Variants in ANKRD31 observed in about 807,000 individuals in gnomAD.
The protein encoded by ANKRD31 is ankyrin repeat domain-containing protein 31.
ANKRD31 carries 147 observed loss-of-function variants against 186.0 expected under a neutral mutation model. That is an observed-to-expected ratio of 0.79 (90% confidence interval 0.69 to 0.91). ANKRD31 has a LOEUF of 0.91. ANKRD31 is among the 40% of genes least tolerant of loss of function. The pLI, the probability that ANKRD31 is intolerant of heterozygous loss-of-function variation, is 0.00. For synonymous variants in ANKRD31, 673 were observed against 736.4 expected (o/e 0.91, Z 1.39); for missense variants, 1,986 against 2,148.8 (o/e 0.92, Z 1.50).
chr5:75,157,994 T>G (rs1335630302), intron 11 of ANKRD31, among the ~76,000 whole-genome samples: 1 of 152,018 alleles, frequency 6.6e-6, no homozygotes, highest in Non-Finnish European at 1.5e-5. Flanking sequence ...GGCAGACTAC[T>G]CAGAAGCTTA....
chr5:75,148,902 T>C (rs1281888527), intron 12 of ANKRD31, among the ~76,000 whole-genome samples: 1 of 151,918 alleles, frequency 6.6e-6, no homozygotes, highest in Non-Finnish European at 1.5e-5. Flanking sequence ...TCAGTATTTA[T>C]TTTCCCCACA....
chr5:75,123,867 G>A (rs1364455572), intron 17 of ANKRD31, among the ~76,000 whole-genome samples: 1 of 151,976 alleles, frequency 6.6e-6, no homozygotes, highest in African/African-American at 2.4e-5. Flanking sequence ...CTTGACATTT[G>A]TCTAGGCAAA....
rs1747184928 is a variant in ANKRD31 at position 75,104,660 on chromosome 5, A to G, written c.4899T>C (p.Tyr1633=). 6.5e-7 allele frequency: 1 copy of G among 1,536,008 alleles called. No individual in the cohort carries two copies. The highest frequency in any genetic ancestry group is 1.2e-5 in the South Asian group (1 of 83,678). ...TEATDKDHEF[Y]VSSPVIGKLN... ...ATTTGCCGATTACTGGGGAAGAAAC[A>G]TAGAATTCATGGTCTTTGTCTGTAG... is the stretch of plus-strand genomic sequence containing the variant. Residue 1633 remains tyrosine (Y), a synonymous_variant, in exon 22 of 26, where the codon TAT becomes TAC. Transcript: ENST00000506364.
At chr5:75,124,654 A>G (rs1416708034) in intron 17 of ANKRD31, among the ~76,000 whole-genome samples, 1 of 152,146 alleles carries the variant, frequency 6.6e-6, no homozygotes, top group Admixed American at 6.6e-5. Context: ...GAATGGGATC[A>G]TGTCTTCTGC....
intron 17 of ANKRD31, among the ~76,000 whole-genome samples, chr5:75,135,587 C>T (rs1318164937): frequency 1.2e-4 from 19 of 152,250 alleles, no homozygotes; most frequent in Middle Eastern, 3.4e-3. Context: ...AATGGCCATA[C>T]TGCCCAAGGT....
chr5:75,213,251 A>G (rs939175968), intron 3 of ANKRD31, among the ~76,000 whole-genome samples: 2 of 152,222 alleles, frequency 1.3e-5, no homozygotes, highest in African/African-American at 2.4e-5. Flanking sequence ...GTCTCTGCAA[A>G]GTAATTTTTC....
At chr5:75,179,602 T>C (rs1754114487) in intron 10 of ANKRD31, among the ~76,000 whole-genome samples, 2 of 152,208 alleles carry the variant, frequency 1.3e-5, no homozygotes, top group African/African-American at 4.8e-5. Context: ...ATAAACGTAA[T>C]CCATCATATA....
chr5:75,230,475 C>T, intron 2 of ANKRD31, 87 bp downstream of exon 2: 3 of 1,016,202 alleles, frequency 3.0e-6, no homozygotes, highest in South Asian at 3.5e-5. Flanking sequence ...TGCTTAAAGT[C>T]TCAGTTTCCA....
chr5:75,193,029 A>T (rs1755219568), intron 8 of ANKRD31, among the ~76,000 whole-genome samples: 1 of 152,060 alleles, frequency 6.6e-6, no homozygotes, highest in Non-Finnish European at 1.5e-5. Context: ...GTCATCTACA[A>T]GTGTGAGTAT....
At chr5:75,224,912 T>C (rs1397371817) in intron 2 of ANKRD31, among the ~76,000 whole-genome samples, 8 of 152,154 alleles carry the variant, frequency 5.3e-5, no homozygotes, top group African/African-American at 7.2e-5. Context: ...ATCTTTAATA[T>C]AGAAAATGCT....
chr5:75,173,964 C>A (rs1753568587), intron 10 of ANKRD31, among the ~76,000 whole-genome samples: 1 of 152,112 alleles, frequency 6.6e-6, no homozygotes, highest in Non-Finnish European at 1.5e-5. Flanking sequence ...CATCATGCTA[C>A]CTGACTTCAA....
intron 23 of ANKRD31, among the ~76,000 whole-genome samples, chr5:75,089,132 A>G (rs899606835): frequency 3.9e-5 from 6 of 152,190 alleles, no homozygotes; most frequent in African/African-American, 1.2e-4. Flanking sequence ...ACCATTGCCC[A>G]GATAATATAA....
chr5:75,087,388 T>C (rs1017689540), intron 23 of ANKRD31, among the ~76,000 whole-genome samples: 1 of 151,998 alleles, frequency 6.6e-6, no homozygotes, highest in Non-Finnish European at 1.5e-5. Context: ...ATGCCTGTAG[T>C]CCCAGCTACT....
Position 75,193,375 on chromosome 5 carries a change from T to C in ANKRD31, c.1234A>G (p.Ile412Val). Residue 412 changes from isoleucine to valine, a missense_variant, in exon 8 of 26, where the codon ATT becomes GTT. Coordinates refer to ENST00000506364, the MANE Select transcript of ANKRD31 (RefSeq NM_001372053.1). ...TCACAGCCAAGGATTTTTGGTAAAA[T>C]CTTTTCTGGCATCTTATACATGTGA... ...SDHMYKMPEK[I>V]LPKILGCEDL... 6.5e-7 allele frequency: 1 copy of C among 1,536,982 alleles called. No individual in the cohort carries two copies. The highest frequency in any genetic ancestry group is 8.7e-7 in the Non-Finnish European group (1 of 1,146,710).
rs201806001 is a variant in ANKRD31, at chr5:75,122,478, AG to A, written c.3877-4182del. On this transcript the variant is annotated intron_variant, in intron 17 of 25. Transcript: ENST00000506364. Reference sequence around the variant, plus strand: ...AAGTCTGACAAGAACACAAACAAACAGAAAAAAAACTACAGACCAATATCCC... The same window carrying A: ...AAGTCTGACAAGAACACAAACAAACAAAAAAAAACTACAGACCAATATCCC... Among the ~76,000 whole-genome samples the A allele has an allele frequency of 2.3e-3, 346 of 148,192 alleles. 1 individual carries two copies. Among genetic ancestry groups the A allele is most frequent in the African/African-American group, 7.4e-3 (301 of 40,670 alleles).
chr5:75,231,906 AACACACACACACACACACACAC>A (rs56755264), intron 1 of ANKRD31, among the ~76,000 whole-genome samples: 1 of 144,608 alleles, frequency 6.9e-6, no homozygotes, highest in Non-Finnish European at 1.5e-5. Context: ...ACTGTCTCAA[AACACACACACACACACACACAC>A]ACACACACAC....
At chr5:75,101,026 C>T (rs937092301) in intron 22 of ANKRD31, among the ~76,000 whole-genome samples, 3 of 152,144 alleles carry the variant, frequency 2.0e-5, no homozygotes, top group African/African-American at 7.2e-5. Flanking sequence ...CATCGACGGT[C>T]TTTACAGTTT....
At chr5:75,223,359 GCATAGAAAGTA>G (rs1757421284) in intron 2 of ANKRD31, among the ~76,000 whole-genome samples, 1 of 152,102 alleles carries the variant, frequency 6.6e-6, no homozygotes, top group South Asian at 2.1e-4. Flanking sequence ...CAATCAATAT[GCATAGAAAGTA>G]CATAGACTTA....
At chr5:75,085,717 T>A (rs1013474895) in intron 23 of ANKRD31, among the ~76,000 whole-genome samples, 7 of 152,180 alleles carry the variant, frequency 4.6e-5, no homozygotes, top group African/African-American at 1.4e-4. Flanking sequence ...GTCCCAACTC[T>A]TAAGCAAGAT....
Sources: gnomAD v4.1 joint callset for allele counts (sites outside exome capture counted in the v4.1 genomes callset) on GRCh38, gnomAD v4.1.1 for gene constraint, MANE v1.5 for transcripts, NCBI Gene and HGNC (gene_info 2026-07-23, HGNC 2026-07-21) for gene names.